Variants in BICC1 observed in about 807,000 individuals in gnomAD.
BICC1 encodes protein bicaudal C homolog 1.
In BICC1, 43 loss-of-function variants were observed where a neutral mutation model predicts 111.0. That is an observed-to-expected ratio of 0.39 (90% confidence interval 0.30 to 0.50). The LOEUF (loss-of-function observed/expected upper bound fraction) is 0.50. Among genes scored for constraint, BICC1 ranks in the 20% least tolerant of loss-of-function variants. The pLI, the probability that BICC1 is intolerant of heterozygous loss-of-function variation, is 0.88. For missense variants in BICC1, 1,091 were observed against 1,203.2 expected (o/e 0.91, Z 1.38); for synonymous variants, 467 against 434.4 (o/e 1.07, Z -0.93).
At chr10:58,633,251 A>G (rs1837853311) in intron 2 of BICC1, among the ~76,000 whole-genome samples, 1 of 152,182 alleles carries the variant, frequency 6.6e-6, no homozygotes, top group African/African-American at 2.4e-5. Context: ...GCCATGTGCA[A>G]CTGTGAGCCA....
At chr10:58,528,309 T>A (rs2131846100) in intron 1 of BICC1, among the ~76,000 whole-genome samples, 1 of 152,024 alleles carries the variant, frequency 6.6e-6, no homozygotes. Flanking sequence ...AATGTTTTAC[T>A]GTTAGTGATA....
intron 3 of BICC1, among the ~76,000 whole-genome samples, chr10:58,721,501 A>G (rs771815170): frequency 9.9e-5 from 15 of 152,180 alleles, no homozygotes; most frequent in Non-Finnish European, 2.1e-4. Flanking sequence ...TGTATTTTAT[A>G]TATCAGTGCA....
intron 3 of BICC1, among the ~76,000 whole-genome samples, chr10:58,758,097 T>A (rs1244720711): frequency 6.6e-6 from 1 of 152,188 alleles, no homozygotes; most frequent in Non-Finnish European, 1.5e-5. Context: ...AGTTTTAAAG[T>A]CATCCTATGA....
chr10:58,614,073 A>G (rs1474912968), intron 1 of BICC1, among the ~76,000 whole-genome samples: 1 of 152,192 alleles, frequency 6.6e-6, no homozygotes, highest in Admixed American at 6.5e-5. Flanking sequence ...GAAAGACTTT[A>G]TATTTTGATA....
At chr10:58,708,281 C>T (rs1840460548) in intron 3 of BICC1, among the ~76,000 whole-genome samples, 1 of 152,230 alleles carries the variant, frequency 6.6e-6, no homozygotes, top group East Asian at 1.9e-4. Context: ...TGTGAGCCAC[C>T]ATGCCTGGCC....
intron 2 of BICC1, among the ~76,000 whole-genome samples, chr10:58,692,045 G>A (rs1839924923): frequency 6.6e-6 from 1 of 152,068 alleles, no homozygotes; most frequent in South Asian, 2.1e-4. Flanking sequence ...GAGATCCTAT[G>A]TGCTAGATTC....
intron 3 of BICC1, among the ~76,000 whole-genome samples, chr10:58,776,776 A>G (rs969920510): frequency 2.6e-5 from 4 of 152,160 alleles, no homozygotes; most frequent in African/African-American, 9.7e-5. Context: ...AACCATTCTA[A>G]TGATTCCAGA....
chr10:58,538,298 A>G (rs977416996), intron 1 of BICC1, among the ~76,000 whole-genome samples: 5 of 115,256 alleles, frequency 4.3e-5, no homozygotes, highest in African/African-American at 1.3e-4. Flanking sequence ...GGAACAAAAT[A>G]GAGAACCAAG....
At chr10:58,528,005 A>G (rs1447495494) in intron 1 of BICC1, among the ~76,000 whole-genome samples, 2 of 151,928 alleles carry the variant, frequency 1.3e-5, no homozygotes, top group African/African-American at 4.8e-5. Flanking sequence ...GTGCCCTGTA[A>G]ATAGTTGGTA....
intron 3 of BICC1, among the ~76,000 whole-genome samples, chr10:58,768,755 G>A (rs1842529199): frequency 6.6e-6 from 1 of 152,030 alleles, no homozygotes; most frequent in Non-Finnish European, 1.5e-5. Context: ...ACTATAAGAT[G>A]TTTTGTGTAA....
At chr10:58,784,268 A>G (rs567960180) in intron 3 of BICC1, among the ~76,000 whole-genome samples, 7 of 152,314 alleles carry the variant, frequency 4.6e-5, no homozygotes, top group Admixed American at 4.6e-4. Flanking sequence ...AGTCCCTGGA[A>G]CAGTGCCTGG....
intron 2 of BICC1, among the ~76,000 whole-genome samples, chr10:58,656,408 T>G (rs529681329): frequency 1.3e-4 from 20 of 150,944 alleles, no homozygotes; most frequent in Non-Finnish European, 2.7e-4. Flanking sequence ...AAAGAGATTT[T>G]TAGACCAATA....
intron 2 of BICC1, among the ~76,000 whole-genome samples, chr10:58,666,620 C>G (rs899756630): frequency 2.0e-5 from 3 of 152,054 alleles, no homozygotes; most frequent in African/African-American, 7.2e-5. Context: ...TGTATATATG[C>G]TGGAAATACA....
intron 18 of BICC1, among the ~76,000 whole-genome samples, chr10:58,815,526 C>T (rs1844061145): frequency 6.6e-6 from 1 of 152,186 alleles, no homozygotes; most frequent in East Asian, 1.9e-4. Flanking sequence ...CTTCATTTAA[C>T]ATTGGATAAT....
chr10:58,800,584 A>T (rs1035349838), intron 13 of BICC1, among the ~76,000 whole-genome samples: 3 of 152,214 alleles, frequency 2.0e-5, no homozygotes, highest in African/African-American at 7.2e-5. Flanking sequence ...GTAATTGTGC[A>T]GCAGAAAAGC....
intron 1 of BICC1, among the ~76,000 whole-genome samples, chr10:58,579,390 A>G (rs1844203926): frequency 6.6e-6 from 1 of 152,240 alleles, no homozygotes; most frequent in African/African-American, 2.4e-5. Flanking sequence ...TGTCACACCC[A>G]CAGTAAAACT....
At chr10:58,796,315 T>C (rs1314438077) in intron 9 of BICC1, 25 bp from the exon 10 acceptor site, 1 of 1,605,706 alleles carries the variant, frequency 6.2e-7, no homozygotes, top group Non-Finnish European at 8.5e-7. Context: ...TGTCACCTTT[T>C]TTCCCCCATT....
chr10:58,732,251 G>A (rs913534409), intron 3 of BICC1, among the ~76,000 whole-genome samples: 5 of 149,200 alleles, frequency 3.4e-5, no homozygotes, highest in Non-Finnish European at 5.9e-5. Context: ...CCAAGGCGGC[G>A]GGTGGGGATG....
chr10:58,622,040 G>C (rs1845836018), intron 2 of BICC1, among the ~76,000 whole-genome samples: 2 of 151,912 alleles, frequency 1.3e-5, no homozygotes, highest in African/African-American at 4.8e-5. Context: ...AAATTAGCCA[G>C]GTGTGATGAT....
Sources: gnomAD v4.1 joint callset for allele counts (sites outside exome capture counted in the v4.1 genomes callset) on GRCh38, gnomAD v4.1.1 for gene constraint, MANE v1.5 for transcripts, NCBI Gene and HGNC (gene_info 2026-07-23, HGNC 2026-07-21) for gene names.